PCDH15: variants seen among roughly 807,000 people sequenced by gnomAD.
PCDH15 encodes the protein protocadherin-15.
Under a neutral mutation model 178.5 loss-of-function variants are expected in PCDH15, and 129 were observed. That is an observed-to-expected ratio of 0.72 (90% CI 0.63 to 0.84). The LOEUF is 0.84. PCDH15 is among the 40% of genes least tolerant of loss of function. PCDH15 has a pLI of 0.00. For synonymous variants in PCDH15, 800 were observed against 732.0 expected, an observed-to-expected ratio of 1.09 and a Z score of -1.50; for missense variants, 2,230 against 2,099.9, an observed-to-expected ratio of 1.06 and a Z score of -1.21.
At chr10:54,765,986 T>C (rs1232405256) in intron 1 of PCDH15, among the ~76,000 whole-genome samples, 2 of 152,152 alleles carry the variant, frequency 1.3e-5, no homozygotes, top group African/African-American at 2.4e-5. Flanking sequence ...TGATCTGTTG[T>C]CTAAATGGTA....
At chr10:54,110,195 C>T (rs1004756678) in intron 15 of PCDH15, among the ~76,000 whole-genome samples, 1 of 151,182 alleles carries the variant, frequency 6.6e-6, no homozygotes, top group South Asian at 2.1e-4. Context: ...GTGAGGAGAC[C>T]ATTTGTATGG....
chr10:55,383,282 C>T (rs1458679179), intron 2 of PCDH15, among the ~76,000 whole-genome samples: 9 of 151,980 alleles, frequency 5.9e-5, no homozygotes, highest in Admixed American at 5.9e-4. Flanking sequence ...CTTCTTCTCT[C>T]CTGGACGTTC....
chr10:54,270,333 A>T (rs1438479380), intron 8 of PCDH15, among the ~76,000 whole-genome samples: 1 of 152,068 alleles, frequency 6.6e-6, no homozygotes, highest in East Asian at 1.9e-4. Context: ...CAACTAGCAC[A>T]TTTTTCAGAA....
intron 3 of PCDH15, among the ~76,000 whole-genome samples, chr10:54,832,755 A>C (rs1177213494): frequency 6.6e-6 from 1 of 152,212 alleles, no homozygotes. Flanking sequence ...TAATTAGTGC[A>C]ATATGACAAA....
At chr10:55,320,926 C>T (rs1270643972), upstream of PCDH15, among the ~76,000 whole-genome samples, 2 of 152,102 alleles carry the variant, frequency 1.3e-5, no homozygotes, top group Non-Finnish European at 2.9e-5. Context: ...GGTTCCTATC[C>T]AGGCTGAAAT....
At chr10:55,075,072 A>G (rs187386465) in intron 2 of PCDH15, among the ~76,000 whole-genome samples, 9 of 152,182 alleles carry the variant, frequency 5.9e-5, no homozygotes, top group Non-Finnish European at 8.8e-5. Flanking sequence ...CCATTGGTCT[A>G]TGTGTCTGTT....
At chr10:53,919,607 G>C (rs1306607622) in intron 25 of PCDH15, among the ~76,000 whole-genome samples, 1 of 152,068 alleles carries the variant, frequency 6.6e-6, no homozygotes, top group Non-Finnish European at 1.5e-5. Context: ...TACTCAACTA[G>C]GAGAAGGCAT....
At chr10:54,147,718 A>G (rs1481115420) in intron 14 of PCDH15, among the ~76,000 whole-genome samples, 3 of 151,964 alleles carry the variant, frequency 2.0e-5, no homozygotes, top group Non-Finnish European at 4.4e-5. Flanking sequence ...ATATTAAAAG[A>G]CTTTAATAAA....
At chr10:53,882,438 C>T (rs914496097) in intron 26 of PCDH15, among the ~76,000 whole-genome samples, 26 of 152,216 alleles carry the variant, frequency 1.7e-4, no homozygotes, top group Admixed American at 1.3e-4. Context: ...GTCGCCCCCA[C>T]TACCTGGTGT....
At chr10:54,812,750 C>T (rs533693314) in intron 3 of PCDH15, among the ~76,000 whole-genome samples, 3 of 152,156 alleles carry the variant, frequency 2.0e-5, no homozygotes, top group Non-Finnish European at 4.4e-5. Flanking sequence ...AGCCACCACA[C>T]CCAGCCTTTT....
At chr10:55,226,318 T>C (rs1841038845) in intron 1 of PCDH15, among the ~76,000 whole-genome samples, 2 of 152,104 alleles carry the variant, frequency 1.3e-5, no homozygotes. Flanking sequence ...AATTAATTTC[T>C]TCAGATGAAT....
At chr10:55,607,710 G>A (rs1467323300) in intron 2 of PCDH15, among the ~76,000 whole-genome samples, 1 of 138,444 alleles carries the variant, frequency 7.2e-6, no homozygotes, top group East Asian at 2.2e-4. Flanking sequence ...AGATCACATG[G>A]ACACAGGAAG....
At chr10:55,092,836 A>AAT in intron 2 of PCDH15, among the ~76,000 whole-genome samples, 1 of 152,004 alleles carries the variant, frequency 6.6e-6, no homozygotes, top group South Asian at 2.1e-4. Flanking sequence ...CTCACATATT[A>AAT]AAACAACAAA....
At chr10:54,666,191 G>C (rs1439164312) in intron 1 of PCDH15, among the ~76,000 whole-genome samples, 2 of 3,740 alleles carry the variant, frequency 5.3e-4, no homozygotes, top group Non-Finnish European at 5.7e-3. Flanking sequence ...TAATATAAAA[G>C]ACTCAGCATC....
chr10:53,865,445 T>G (rs1032057253), intron 27 of PCDH15, among the ~76,000 whole-genome samples: 1 of 152,166 alleles, frequency 6.6e-6, no homozygotes, highest in Non-Finnish European at 1.5e-5. Flanking sequence ...TTAAATGTTA[T>G]GGACAAAGAG....
chr10:55,152,778 C>A (rs1001599489), intron 2 of PCDH15, among the ~76,000 whole-genome samples: 2 of 151,958 alleles, frequency 1.3e-5, no homozygotes, highest in Admixed American at 6.6e-5. Flanking sequence ...CTGCAGTTAG[C>A]AATTGAATAG....
intron 2 of PCDH15, among the ~76,000 whole-genome samples, chr10:54,967,767 T>A (rs1838828742): frequency 1.3e-5 from 2 of 152,158 alleles, no homozygotes; most frequent in Non-Finnish European, 2.9e-5. Context: ...TCCTTACAGT[T>A]CTGGAGTCTA....
At chr10:54,285,056 A>T (rs2132820821) in intron 8 of PCDH15, among the ~76,000 whole-genome samples, 1 of 152,370 alleles carries the variant, frequency 6.6e-6, no homozygotes, top group East Asian at 1.9e-4. Flanking sequence ...AATAAAATTT[A>T]AACCATAAAT....
At position 54,170,942 on chromosome 10, in the gene PCDH15, T is replaced by C. The variant is rs573888692; in HGVS notation, c.1590+12502A>G. Among the ~76,000 whole-genome samples the C allele has an allele frequency of 4.7e-4, 72 of 152,178 alleles. No homozygotes were observed. In the South Asian group the frequency reaches 0.012, roughly 25 times the overall value. On this transcript the variant is annotated intron_variant, in intron 13 of 37. Coordinates refer to ENST00000644397, the MANE Select transcript of PCDH15 (RefSeq NM_001384140.1). ...TCAGGCCCCCTCCCTTCCCTACACA[T>C]CAAGTTCGAGGATTTGCCCCACCCA...
Sources: gnomAD v4.1 joint callset for allele counts (sites outside exome capture counted in the v4.1 genomes callset) on GRCh38, gnomAD v4.1.1 for gene constraint, MANE v1.5 for transcripts, NCBI Gene and HGNC (gene_info 2026-07-23, HGNC 2026-07-21) for gene names.